The following EPN2 variants were observed in gnomAD, a reference collection of about 807,000 sequenced individuals.
EPN2 encodes epsin-2.
EPN2 carries 34 observed loss-of-function variants against 61.7 expected under a neutral mutation model. The observed-to-expected ratio is 0.55, with a 90% CI of 0.42 to 0.73. EPN2 has a LOEUF of 0.73. Ranked by LOEUF, EPN2 falls within the 30% of genes least tolerant of loss-of-function variation. The pLI is 0.00. For synonymous variants in EPN2, 349 were observed against 353.6 expected, an observed-to-expected ratio of 0.99 and a Z score of 0.15; for missense variants, 714 against 839.2, an observed-to-expected ratio of 0.85 and a Z score of 1.84.
rs116780709 is a variant in EPN2, at chr17:19,263,203, C to T, written c.-293-18752C>T. Among the ~76,000 whole-genome samples, 969 of 152,286 alleles carry T rather than the reference C, an allele frequency of 6.4e-3. 10 individuals are homozygous for T. Among genetic ancestry groups the T allele is most frequent in the African/African-American group, 0.022 (930 of 41,558 alleles). On this transcript the variant is annotated intron_variant, in intron 1 of 10. Transcript: ENST00000314728. ...CATCATTTCTATCTCATCTCATTGC[C>T]GTGCCATGGCTGACTTCAGAGGAGG...
chr17:19,261,247 C>G (rs1268917347), intron 1 of EPN2, among the ~76,000 whole-genome samples: 1 of 152,208 alleles, frequency 6.6e-6, no homozygotes. Flanking sequence ...CCCACTGACT[C>G]GTCAACACAA....
chr17:19,301,359 C>T (rs908067266), intron 4 of EPN2, among the ~76,000 whole-genome samples: 2 of 152,148 alleles, frequency 1.3e-5, no homozygotes, highest in Admixed American at 1.3e-4. Context: ...TCCTACTTTA[C>T]GGGGGACCCA....
At chr17:19,321,252 A>G (rs1003831135) in intron 7 of EPN2, among the ~76,000 whole-genome samples, 6 of 152,002 alleles carry the variant, frequency 3.9e-5, no homozygotes, top group Non-Finnish European at 8.8e-5. Context: ...GACCACCAAC[A>G]CTCAGACCCC....
intron 1 of EPN2, among the ~76,000 whole-genome samples, chr17:19,239,042 T>C (rs1373152803): frequency 6.6e-6 from 1 of 152,258 alleles, no homozygotes; most frequent in African/African-American, 2.4e-5. Flanking sequence ...CATCTGTATT[T>C]AAATGAACAT....
At chr17:19,321,937 CAG>C (rs1029931876) in intron 7 of EPN2, among the ~76,000 whole-genome samples, 4 of 152,274 alleles carry the variant, frequency 2.6e-5, no homozygotes, top group Admixed American at 6.5e-5. Context: ...CCAGCTGGGA[CAG>C]AGAGCTGAGG....
At chr17:19,308,416 A>G in intron 4 of EPN2, 1 of 985,330 alleles carries the variant, frequency 1.0e-6, no homozygotes, top group Non-Finnish European at 1.2e-6. Context: ...ATGAAATTGA[A>G]TTCTGTAGTT....
intron 1 of EPN2, among the ~76,000 whole-genome samples, chr17:19,281,737 G>C (rs564088970): frequency 8.5e-5 from 13 of 152,210 alleles, no homozygotes; most frequent in African/African-American, 2.9e-4. Context: ...TTGAGGGTGG[G>C]GGGTGGACAG....
At chr17:19,331,757 C>G in intron 9 of EPN2, 96 bp from the exon 10 acceptor site, 2 of 1,040,542 alleles carry the variant, frequency 1.9e-6, no homozygotes, top group South Asian at 2.7e-5. Context: ...CGCTGTCAGG[C>G]AGGCATGTCC....
intron 4 of EPN2, chr17:19,306,053 G>A (rs1225685065): frequency 6.6e-6 from 1 of 152,248 alleles, no homozygotes; most frequent in Non-Finnish European, 1.5e-5. Context: ...TGCGACTTTA[G>A]TGATGAGCTT....
intron 1 of EPN2, among the ~76,000 whole-genome samples, chr17:19,277,211 G>T (rs1221272465): frequency 6.6e-6 from 1 of 152,002 alleles, no homozygotes; most frequent in Non-Finnish European, 1.5e-5. Flanking sequence ...GACCAGCCTG[G>T]CCAAAATGTT....
At chr17:19,293,534 C>CTTTTTTTTTTTTT (rs71155390) in intron 4 of EPN2, among the ~76,000 whole-genome samples, 1 of 52,432 alleles carries the variant, frequency 1.9e-5, no homozygotes, top group African/African-American at 8.5e-5. Flanking sequence ...CCATACCCAG[C>CTTTTTTTTTTTTT]TTTTTTTTTT....
intron 1 of EPN2, among the ~76,000 whole-genome samples, chr17:19,254,956 T>G (rs2045058279): frequency 1.3e-5 from 2 of 152,042 alleles, no homozygotes; most frequent in African/African-American, 2.4e-5. Flanking sequence ...GAAAGTGAAG[T>G]GGATTTGGTG....
At position 19,308,587 on chromosome 17, in the gene EPN2, C is replaced by T. The variant is rs991059719; in HGVS notation, c.767-1298C>T. On this transcript the variant is annotated intron_variant, in intron 4 of 10. Coordinates refer to ENST00000314728, the MANE Select transcript of EPN2 (RefSeq NM_014964.5). ...AGGGGAAGGACCAGGTCCGGGAAGC[C>T]GAGCTCTGACTACAAAAGAGGAGGT... 11 of 985,164 alleles carry T rather than the reference C, an allele frequency of 1.1e-5. No homozygotes were observed. The East Asian group carries it at 3.4e-4, about 30-fold the overall frequency. 61.0% of individuals were successfully genotyped at this position (985,164 alleles called of 1,614,324 possible). A position where few individuals can be genotyped will look rare whatever the true frequency, so the allele number is the denominator to read the frequency against.
rs753495035 is a variant in EPN2 at position 19,329,624 on chromosome 17, A to G, written c.1388A>G (p.Asn463Ser). 6.2e-6 allele frequency: 10 copies of G among 1,611,856 alleles called. No homozygotes were observed. The South Asian group carries it at 1.1e-4, about 18-fold the overall frequency. ...TIKDDFSEFDNLRTSKKTAES... is the reference protein window; with the variant it reads ...TIKDDFSEFDSLRTSKKTAES... ...AAAGATGACTTTTCTGAATTTGACA[A>G]CCTTCGGACTTCAAAAAAAACAGGT... The change falls in exon 9 of 11, where the codon AAC becomes AGC. Residue 463 changes from asparagine (N) to serine (S), a missense_variant. Transcript: ENST00000314728.
chr17:19,254,201 A>AAGGAAGGAAAGG (rs1346144192), intron 1 of EPN2, among the ~76,000 whole-genome samples: 1 of 151,592 alleles, frequency 6.6e-6, no homozygotes, highest in Non-Finnish European at 1.5e-5. Flanking sequence ...GAGGGAAGGA[A>AAGGAAGGAAAGG]AGGAAGGAAA....
chr17:19,291,139 CAG>C (rs1399824693), intron 4 of EPN2, among the ~76,000 whole-genome samples: 1 of 152,220 alleles, frequency 6.6e-6, no homozygotes, highest in Admixed American at 6.5e-5. Flanking sequence ...AAAAGGAAAA[CAG>C]AGGTGAGAAA....
chr17:19,247,282 A>G (rs192526032), intron 1 of EPN2, among the ~76,000 whole-genome samples: 1 of 152,326 alleles, frequency 6.6e-6, no homozygotes, highest in Admixed American at 6.5e-5. Flanking sequence ...ATCTAGAGGC[A>G]AATAATGGTT....
chr17:19,253,663 T>C (rs1355673513), intron 1 of EPN2, among the ~76,000 whole-genome samples: 4 of 152,232 alleles, frequency 2.6e-5, no homozygotes, highest in Middle Eastern at 3.4e-3. Flanking sequence ...CCTCCCACAG[T>C]GTTGGGATTA....
At chr17:19,292,668 C>A (rs1163227852) in intron 4 of EPN2, among the ~76,000 whole-genome samples, 1 of 152,236 alleles carries the variant, frequency 6.6e-6, no homozygotes, top group African/African-American at 2.4e-5. Flanking sequence ...GCCACAAGGG[C>A]TTGGGTTTTA....
Sources: allele counts gnomAD v4.1 joint callset (sites outside exome capture counted in the v4.1 genomes callset), GRCh38; gene constraint gnomAD v4.1.1; transcripts MANE v1.5; gene names NCBI Gene and HGNC (gene_info 2026-07-23, HGNC 2026-07-21).